PTPRN2: variants seen among roughly 807,000 people sequenced by gnomAD.
PTPRN2 encodes the protein protein tyrosine phosphatase receptor type N2.
A neutral mutation model predicts 118.8 loss-of-function variants in PTPRN2; 74 were observed. The observed-to-expected ratio is 0.62, with a 90% CI of 0.52 to 0.76. The LOEUF (loss-of-function observed/expected upper bound fraction) is 0.76, where lower values mean the gene tolerates loss of function less well. Ranked by LOEUF, PTPRN2 falls within the 30% of genes least tolerant of loss-of-function variation. The probability of loss-of-function intolerance (pLI) is 0.00; values close to 1 mark genes in which losing one functional copy is unlikely to be tolerated. For missense variants in PTPRN2, 1,481 were observed against 1,394.4 expected (o/e 1.06, Z -0.99); for synonymous variants, 641 against 608.0 (o/e 1.05, Z -0.80).
rs2150934501 is a variant in PTPRN2 at position 157,729,045 on chromosome 7, C to A, written c.1789-46108G>T. 6.6e-6 allele frequency among the ~76,000 whole-genome samples: 1 copy of A among 152,142 alleles called. No homozygotes were observed. Among genetic ancestry groups the A allele is most frequent in the South Asian group, 2.1e-4 (1 of 4,810 alleles). Reference sequence around the variant, plus strand: ...AGGTCGGTCGTTGTCTGGACACAGACAATGGGAATCTGGGCTGATACCGGG... The same window carrying A: ...AGGTCGGTCGTTGTCTGGACACAGAAAATGGGAATCTGGGCTGATACCGGG... On this transcript the variant is annotated intron_variant, in intron 12 of 22. Transcript: ENST00000389418. The surrounding 1 kb of genome is among the most constrained non-coding windows in gnomAD (Gnocchi z 4.3).
intron 12 of PTPRN2, chr7:157,865,853 C>G (rs1200098296): frequency 6.6e-6 from 1 of 152,244 alleles, no homozygotes; most frequent in Non-Finnish European, 1.5e-5. Context: ...GTCAGAGGAG[C>G]AGACGGGAGG....
chr7:158,327,455 TCA>T lies in PTPRN2; in HGVS notation c.164-10525_164-10524del, dbSNP rs777734842. ...CACATTCTCACATGCACACACCTGC[TCA>T]CACATGTACACGTTCTCACACATAC... On this transcript the variant is annotated intron_variant, in intron 2 of 22. Coordinates refer to ENST00000389418, the MANE Select transcript of PTPRN2 (RefSeq NM_002847.5). 5.4e-5 allele frequency among the ~76,000 whole-genome samples: 8 copies of T among 147,656 alleles called. 1 individual carries two copies. In the South Asian group the frequency reaches 1.6e-3, roughly 29 times the overall value.
At chr7:158,035,406 C>T (rs968669207) in intron 11 of PTPRN2, among the ~76,000 whole-genome samples, 6 of 152,146 alleles carry the variant, frequency 3.9e-5, no homozygotes, top group African/African-American at 1.4e-4. Context: ...TCCCAGATGC[C>T]AGAACAGAGA....
chr7:158,344,591 A>G (rs185590450), intron 2 of PTPRN2, among the ~76,000 whole-genome samples: 1 of 152,302 alleles, frequency 6.6e-6, no homozygotes, highest in East Asian at 1.9e-4. Context: ...GTGGAAAACC[A>G]GACTTTTCTA....
Position 158,321,315 on chromosome 7 carries a change from C to T in PTPRN2, c.164-4383G>A, listed in dbSNP as rs373769350. Among the ~76,000 whole-genome samples the T allele has an allele frequency of 4.6e-5, 7 of 152,176 alleles. No homozygotes were observed. The South Asian group carries it at 1.0e-3, about 23-fold the overall frequency. The stretch of plus-strand genomic sequence containing the variant: ...CCGTAACCCTCAGGCCCCTCCTCTG[C>T]GGGACTCCTGCCTTCGTGTTCTTGG... On this transcript the variant is annotated intron_variant, in intron 2 of 22. Transcript: ENST00000389418.
chr7:158,028,743 A>G (rs1039392116), intron 11 of PTPRN2: 1 of 152,300 alleles, frequency 6.6e-6, no homozygotes, highest in African/African-American at 2.4e-5. Flanking sequence ...GCCATTCTTT[A>G]CCCAGAGCTA....
chr7:157,965,295 C>T (rs1801842860), intron 11 of PTPRN2, among the ~76,000 whole-genome samples: 1 of 152,166 alleles, frequency 6.6e-6, no homozygotes, highest in Admixed American at 6.5e-5. Context: ...CTCTTATGAA[C>T]ACTGGCAAGA....
chr7:158,270,363 T>C (rs1169358060), intron 3 of PTPRN2, among the ~76,000 whole-genome samples: 2 of 152,056 alleles, frequency 1.3e-5, no homozygotes, highest in Non-Finnish European at 2.9e-5. Context: ...ACAGGCATGG[T>C]TCTCGGGGTG....
intron 6 of PTPRN2, among the ~76,000 whole-genome samples, chr7:158,155,539 C>T (rs1821659967): frequency 1.5e-5 from 2 of 137,004 alleles, no homozygotes; most frequent in Non-Finnish European, 3.1e-5. Context: ...TCAGCACTAT[C>T]ATCACCATCA....
intron 10 of PTPRN2, among the ~76,000 whole-genome samples, chr7:158,106,305 T>A (rs1293396544): frequency 6.6e-6 from 1 of 152,136 alleles, no homozygotes; most frequent in African/African-American, 2.4e-5. Context: ...TCCTTACAAG[T>A]GGCATCTCCA....
At position 158,100,597 on chromosome 7, in the gene PTPRN2, G is replaced by A. The variant is rs566852691; in HGVS notation, c.1643+10232C>T. 2.0e-4 allele frequency among the ~76,000 whole-genome samples: 30 copies of A among 152,220 alleles called. 1 individual carries two copies. Among genetic ancestry groups the A allele is most frequent in the Admixed American group, 4.6e-4 (7 of 15,288 alleles). On this transcript the variant is annotated intron_variant, in intron 10 of 22. Transcript: ENST00000389418. ...TGATTTTTTGATTATATCCAATCTT[G>A]CAGGAGTAAGGTGGTATAACATTGT...
Position 157,883,547 on chromosome 7 carries a change from C to T in PTPRN2, c.1788+15126G>A, listed in dbSNP as rs567644085. Among the ~76,000 whole-genome samples the T allele has an allele frequency of 5.3e-5, 7 of 131,288 alleles. No homozygotes were observed. The East Asian group carries it at 1.4e-3, about 27-fold the overall frequency. 86.1% of individuals were successfully genotyped at this position (131,288 alleles called of 152,430 possible). A position where few individuals can be genotyped will look rare whatever the true frequency, so the allele number is the denominator to read the frequency against. On this transcript the variant is annotated intron_variant, in intron 12 of 22. Transcript: ENST00000389418. ...AGATCAGAACACGTCACCCTAAAAC[C>T]GACTGTCAGAGAACAGAACACACCA...
chr7:158,086,745 C>G (rs6960740), intron 10 of PTPRN2, among the ~76,000 whole-genome samples: 112,274 of 152,014 alleles, frequency 0.74, 45,460 homozygotes, highest in East Asian at 0.93. Flanking sequence ...CTTTATGGCT[C>G]TGTGTGTGTG....
At position 158,326,821 on chromosome 7, in the gene PTPRN2, CCT is replaced by C. The variant is rs568997977; in HGVS notation, c.164-9891_164-9890del. Among the ~76,000 whole-genome samples, 150 of 80,008 alleles carry C rather than the reference CCT, an allele frequency of 1.9e-3. 9 individuals carry two copies. Among genetic ancestry groups the C allele is most frequent in the African/African-American group, 7.8e-3 (144 of 18,390 alleles). The allele number at this position is 80,008 out of a possible 152,430, so 52.5% of individuals were successfully genotyped here. ...TGCACATTCTCACACATGCACACATCCTCACACATGCTCTCACATGCATTCTC... is the reference window on the plus strand; with the variant it reads ...TGCACATTCTCACACATGCACACATCCACACATGCTCTCACATGCATTCTC... On this transcript the variant is annotated intron_variant, in intron 2 of 22. Transcript: ENST00000389418.
intron 3 of PTPRN2, among the ~76,000 whole-genome samples, chr7:158,232,449 A>G (rs1038988612): frequency 1.8e-4 from 28 of 152,152 alleles, no homozygotes; most frequent in African/African-American, 6.3e-4. Context: ...TCAAAGCCAT[A>G]ATAAAAAAAT....
At chr7:157,556,404 A>G (rs996775990) in intron 21 of PTPRN2, among the ~76,000 whole-genome samples, 1 of 148,442 alleles carries the variant, frequency 6.7e-6, no homozygotes, top group Non-Finnish European at 1.5e-5. Context: ...ACCCACACTC[A>G]CATCATACAT....
At chr7:157,644,961 G>A (rs886252444) in intron 14 of PTPRN2, among the ~76,000 whole-genome samples, 26 of 152,222 alleles carry the variant, frequency 1.7e-4, no homozygotes, top group African/African-American at 6.0e-4. Context: ...ATCTGGACAG[G>A]ACAAGAACTC....
chr7:158,379,191 C>T (rs925948630), intron 2 of PTPRN2, among the ~76,000 whole-genome samples: 1 of 152,152 alleles, frequency 6.6e-6, no homozygotes, highest in Non-Finnish European at 1.5e-5. Context: ...GGTCAGGTGT[C>T]CACACGTAGG....
At chr7:157,661,000 C>T (rs1190517611) in intron 13 of PTPRN2, among the ~76,000 whole-genome samples, 1 of 152,230 alleles carries the variant, frequency 6.6e-6, no homozygotes, top group Admixed American at 6.5e-5. Flanking sequence ...GTGATCCACC[C>T]GCCTTGGCCT....
Sources: allele counts gnomAD v4.1 joint callset (sites outside exome capture counted in the v4.1 genomes callset), GRCh38; gene constraint gnomAD v4.1.1; non-coding constraint Gnocchi (gnomAD v3.1); transcripts MANE v1.5; gene names NCBI Gene and HGNC (gene_info 2026-07-23, HGNC 2026-07-21).